The following EBF4 variants were observed in gnomAD, a reference collection of about 807,000 sequenced individuals.
EBF4 encodes EBF transcription factor 4.
A neutral mutation model predicts 67.1 loss-of-function variants in EBF4; 34 were observed. That is an observed-to-expected ratio of 0.51 (90% confidence interval 0.39 to 0.67). The LOEUF (loss-of-function observed/expected upper bound fraction) is 0.67, where lower values mean the gene tolerates loss of function less well. EBF4 is among the 30% of genes least tolerant of loss of function. The pLI, the probability that EBF4 is intolerant of heterozygous loss-of-function variation, is 0.00. For synonymous variants in EBF4, 387 were observed against 377.7 expected (o/e 1.02, Z -0.29); for missense variants, 837 against 873.3 (o/e 0.96, Z 0.52).
At chr20:2,718,775 A>G (rs1286897673) in intron 6 of EBF4, among the ~76,000 whole-genome samples, 3 of 151,898 alleles carry the variant, frequency 2.0e-5, no homozygotes, top group Non-Finnish European at 4.4e-5. Flanking sequence ...TTTTTGTTTC[A>G]TTGATTTCCA....
chr20:2,731,228 G>A (rs1177387311), intron 6 of EBF4, among the ~76,000 whole-genome samples: 1 of 152,200 alleles, frequency 6.6e-6, no homozygotes. Flanking sequence ...CTGTAAGTTA[G>A]CATAATGTGC....
chr20:2,733,897 A>C (rs1225263083), intron 6 of EBF4, among the ~76,000 whole-genome samples: 1 of 151,944 alleles, frequency 6.6e-6, no homozygotes, highest in Non-Finnish European at 1.5e-5. Context: ...CCTGGGCTGC[A>C]TGTGCCCCGT....
Position 2,708,000 on chromosome 20 carries a change from C to A in EBF4, c.468C>A (p.Leu156=), listed in dbSNP as rs1214662229. 6.2e-7 allele frequency: 1 copy of A among 1,609,276 alleles called. No homozygotes were observed. The highest frequency in any genetic ancestry group is 1.7e-5 in the Admixed American group (1 of 59,326). ...ACCCCGAAATGTGCCGAGTGCTGCTCACCCATGAGATCATGTGCAGGTGAG... is the reference window on the plus strand; with the variant it reads ...ACCCCGAAATGTGCCGAGTGCTGCTAACCCATGAGATCATGTGCAGGTGAG... Residue 156 remains leucine (L), a synonymous_variant, in exon 5 of 17, where the codon CTC becomes CTA. Transcript: ENST00000609451. This position sits in a 1 kb window ranked among gnomAD's most constrained non-coding sequence, Gnocchi z 4.6.
chr20:2,715,669 A>G (rs868190597), intron 6 of EBF4, among the ~76,000 whole-genome samples: 3 of 152,238 alleles, frequency 2.0e-5, no homozygotes, highest in Admixed American at 6.5e-5. Context: ...GTGGGTGTAC[A>G]GGGCATTTTG....
rs556773303 is a variant in EBF4 at position 2,745,723 on chromosome 20, G to A, written c.558-2826G>A. Among the ~76,000 whole-genome samples, 8 of 152,326 alleles carry A rather than the reference G, an allele frequency of 5.3e-5. No homozygotes were observed. In the South Asian group the frequency reaches 1.7e-3, roughly 32 times the overall value. The stretch of plus-strand genomic sequence containing the variant: ...GATGTCCCAGAGGCAGGACTAGAAG[G>A]TGTCACGGCAGCCGTCAATCGCTAC... On this transcript the variant is annotated intron_variant, in intron 6 of 16. Coordinates refer to ENST00000609451, the Ensembl canonical transcript of EBF4. The surrounding 1 kb of genome is among the most constrained non-coding windows in gnomAD (Gnocchi z 5.2).
intron 6 of EBF4, among the ~76,000 whole-genome samples, chr20:2,721,662 C>T (rs1275265892): frequency 6.6e-6 from 1 of 152,102 alleles, no homozygotes; most frequent in East Asian, 1.9e-4. Context: ...ACCATGTTGG[C>T]CAGGCTGGTC....
At position 2,735,644 on chromosome 20, in the gene EBF4, A is replaced by G. The variant is rs6084149; in HGVS notation, c.558-12905A>G. Among the ~76,000 whole-genome samples, 861 of 152,350 alleles carry G rather than the reference A, an allele frequency of 5.7e-3. 7 individuals are homozygous for G. The highest frequency in any genetic ancestry group is 0.014 in the Middle Eastern group (4 of 294). On this transcript the variant is annotated intron_variant, in intron 6 of 16. Transcript: ENST00000609451. Reference sequence around the variant, plus strand: ...AAGTTAAAAGTGCCTTGGGGGCTTTAGTCCAGCATTCATCCAGTCACAGTA... The same window carrying G: ...AAGTTAAAAGTGCCTTGGGGGCTTTGGTCCAGCATTCATCCAGTCACAGTA...
In EBF4 at chr20:2,709,077, G is replaced by A. The variant is rs143385232; in HGVS notation, c.489-497G>A. Reference sequence around the variant, plus strand: ...GGTGCACACCTGTAATCCCAGCTATGTTAGGAGGCTGAGGCACAAGAATTG... The same window carrying A: ...GGTGCACACCTGTAATCCCAGCTATATTAGGAGGCTGAGGCACAAGAATTG... On this transcript the variant is annotated intron_variant, in intron 5 of 16. Coordinates refer to ENST00000609451, the Ensembl canonical transcript of EBF4. Among the ~76,000 whole-genome samples the A allele has an allele frequency of 2.0e-5, 3 of 152,264 alleles. 1 individual carries two copies. Among genetic ancestry groups the A allele is most frequent in the African/African-American group, 7.2e-5 (3 of 41,568 alleles).
rs1052330803 is a variant in EBF4, at chr20:2,739,468, G to C, written c.558-9081G>C. On this transcript the variant is annotated intron_variant, in intron 6 of 16. Transcript: ENST00000609451. This position sits in a 1 kb window ranked among gnomAD's most constrained non-coding sequence, Gnocchi z 4.5. ...TAAGTGGCCACTGCAGATTACACTT[G>C]GCACATCCTCCTGCCGTGCCCACCA... Among the ~76,000 whole-genome samples the C allele has an allele frequency of 2.0e-5, 3 of 152,150 alleles. No homozygotes were observed. Among genetic ancestry groups the C allele is most frequent in the Non-Finnish European group, 2.9e-5 (2 of 68,026 alleles).
chr20:2,716,121 T>A (rs1159187996), intron 6 of EBF4, among the ~76,000 whole-genome samples: 1 of 150,062 alleles, frequency 6.7e-6, no homozygotes, highest in African/African-American at 2.5e-5. Context: ...TACTCAGAGG[T>A]TGAGGTGGGA....
rs978587528 is a variant in EBF4 at position 2,707,512 on chromosome 20, T to A, written c.415-435T>A. Among the ~76,000 whole-genome samples the A allele has an allele frequency of 8.0e-5, 12 of 150,852 alleles. No individual in the cohort carries two copies. Among genetic ancestry groups the A allele is most frequent in the African/African-American group, 2.4e-4 (10 of 40,920 alleles). On this transcript the variant is annotated intron_variant, in intron 4 of 16. Coordinates refer to ENST00000609451, the Ensembl canonical transcript of EBF4. The surrounding 1 kb of genome is among the most constrained non-coding windows in gnomAD (Gnocchi z 4.6). ...AGCTGACTGGGCTGGCAGGGATAGCTGAGAAGGACAACACTCATCAACAGA... is the reference window on the plus strand; with the variant it reads ...AGCTGACTGGGCTGGCAGGGATAGCAGAGAAGGACAACACTCATCAACAGA...
intron 1 of EBF4, among the ~76,000 whole-genome samples, chr20:2,702,293 T>C (rs2087387514): frequency 6.6e-6 from 1 of 152,176 alleles, no homozygotes; most frequent in African/African-American, 2.4e-5. Flanking sequence ...CTGGGCATGG[T>C]GGCTCATGCC....
chr20:2,755,562 G>T lies in EBF4; in HGVS notation c.1541-65G>T, dbSNP rs1339539872. 2 of 815,912 alleles carry T rather than the reference G, an allele frequency of 2.5e-6. No individual in the cohort carries two copies. The highest frequency in any genetic ancestry group is 3.4e-5 in the African/African-American group (2 of 59,506). The allele number at this position is 815,912 out of a possible 1,614,324, so 50.5% of individuals were successfully genotyped here. ...CAGCCAAGCTGCTCACTCTGGTGCT[G>T]TCTCCCTGTTGTGTCTCCCACCACC... On this transcript the variant is annotated intron_variant, in intron 14 of 16. Transcript: ENST00000609451. The surrounding 1 kb of genome is among the most constrained non-coding windows in gnomAD (Gnocchi z 4.7).
intron 6 of EBF4, among the ~76,000 whole-genome samples, chr20:2,724,622 A>G (rs1304864827): frequency 1.3e-5 from 2 of 152,198 alleles, no homozygotes; most frequent in Non-Finnish European, 2.9e-5. Flanking sequence ...AAAGTCCAGC[A>G]TGCCAGGCAT....
chr20:2,721,016 T>A (rs946757270), intron 6 of EBF4, among the ~76,000 whole-genome samples: 1 of 152,224 alleles, frequency 6.6e-6, no homozygotes, highest in African/African-American at 2.4e-5. Context: ...TTCTTATAAT[T>A]CATTTTGAGC....
intron 1 of EBF4, among the ~76,000 whole-genome samples, chr20:2,699,590 G>A (rs1312195970): frequency 1.4e-4 from 21 of 152,202 alleles, no homozygotes; most frequent in Admixed American, 1.4e-3. Context: ...TGAACATTGT[G>A]CTTTAAACAA....
chr20:2,738,333 G>C (rs1308777430), intron 6 of EBF4, among the ~76,000 whole-genome samples: 1 of 152,080 alleles, frequency 6.6e-6, no homozygotes, highest in Non-Finnish European at 1.5e-5. Flanking sequence ...TGACTTGCAA[G>C]CACCCCTTCC....
chr20:2,699,218 A>G (rs1268527262), intron 1 of EBF4, among the ~76,000 whole-genome samples: 1 of 152,208 alleles, frequency 6.6e-6, no homozygotes, highest in East Asian at 1.9e-4. Flanking sequence ...CCCCACAGGC[A>G]TCTGCATACA....
chr20:2,702,728 G>GGCA (rs1349000333), intron 1 of EBF4, among the ~76,000 whole-genome samples: 1 of 152,166 alleles, frequency 6.6e-6, no homozygotes, highest in African/African-American at 2.4e-5. Context: ...TGGTGACTGT[G>GGCA]GCAGCCATTG....
Sources: gnomAD v4.1 joint callset for allele counts (sites outside exome capture counted in the v4.1 genomes callset) on GRCh38, gnomAD v4.1.1 for gene constraint, Gnocchi (gnomAD v3.1) non-coding constraint, MANE v1.5 for transcripts, NCBI Gene and HGNC (gene_info 2026-07-23, HGNC 2026-07-21) for gene names.